DGLUCY: variants seen among roughly 807,000 people sequenced by gnomAD.
The protein encoded by DGLUCY is D-glutamate cyclase, mitochondrial.
DGLUCY carries 58 observed loss-of-function variants against 58.5 expected under a neutral mutation model. The observed-to-expected ratio is 0.99, with a 90% confidence interval of 0.80 to 1.23. The LOEUF is 1.23. Among genes scored for constraint, DGLUCY ranks in the 50% most tolerant of loss-of-function variants. DGLUCY has a pLI of 0.00. For missense variants in DGLUCY, 779 were observed against 784.7 expected (o/e 0.99, Z 0.09); for synonymous variants, 325 against 314.1 (o/e 1.03, Z -0.37).
At chr14:91,115,586 G>C (rs2044878691) in intron 1 of DGLUCY, among the ~76,000 whole-genome samples, 1 of 152,122 alleles carries the variant, frequency 6.6e-6, no homozygotes, top group Non-Finnish European at 1.5e-5. Flanking sequence ...ACCAGGTCTG[G>C]CTAATTTTTG....
At chr14:91,098,732 T>A (rs1446510689) in intron 1 of DGLUCY, among the ~76,000 whole-genome samples, 1 of 152,166 alleles carries the variant, frequency 6.6e-6, no homozygotes, top group East Asian at 1.9e-4. Flanking sequence ...GCAGACTCGA[T>A]ACTCTATGAG....
At chr14:91,112,529 C>A (rs1447025418), upstream of DGLUCY, among the ~76,000 whole-genome samples, 1 of 152,090 alleles carries the variant, frequency 6.6e-6, no homozygotes, top group Non-Finnish European at 1.5e-5. Flanking sequence ...GTGGGTGAGG[C>A]TGCATGACAT....
At chr14:91,169,975 C>T (rs1225218281) in intron 4 of DGLUCY, 28 bp from the exon 5 acceptor site, 4 of 1,604,874 alleles carry the variant, frequency 2.5e-6, no homozygotes, top group Non-Finnish European at 3.4e-6. Context: ...AGTCTGGGGC[C>T]CTCCCAGCTT....
chr14:91,080,736 C>T (rs74695540), intron 1 of DGLUCY, among the ~76,000 whole-genome samples: 3,178 of 139,818 alleles, frequency 0.023, 36 homozygotes, highest in South Asian at 0.036. Context: ...TATAAGAGAG[C>T]TTCAACTATC....
chr14:91,135,634 G>C (rs1219458618), intron 1 of DGLUCY, among the ~76,000 whole-genome samples: 1 of 131,670 alleles, frequency 7.6e-6, no homozygotes, highest in African/African-American at 2.9e-5. Context: ...TGGGCAACAA[G>C]AGTGAAACTC....
At chr14:91,094,201 CTGAGGTGGGTGAATCA>C (rs1255152884) in intron 1 of DGLUCY, among the ~76,000 whole-genome samples, 1 of 151,896 alleles carries the variant, frequency 6.6e-6, no homozygotes, top group Middle Eastern at 3.4e-3. Context: ...CTTTGGGAGG[CTGAGGTGGGTGAATCA>C]TGAGGTCAGG....
chr14:91,086,555 C>G (rs956197424), intron 1 of DGLUCY, among the ~76,000 whole-genome samples: 2 of 152,010 alleles, frequency 1.3e-5, no homozygotes, highest in Non-Finnish European at 2.9e-5. Flanking sequence ...AGAAAAAAAG[C>G]CTGTACATGT....
At chr14:91,207,915 TTTGTA>T (rs1885031469) in intron 12 of DGLUCY, among the ~76,000 whole-genome samples, 1 of 152,100 alleles carries the variant, frequency 6.6e-6, no homozygotes, top group African/African-American at 2.4e-5. Flanking sequence ...CCCTGCTAAT[TTTGTA>T]TTTTTTTAGT....
intron 2 of DGLUCY, among the ~76,000 whole-genome samples, chr14:91,158,222 G>A (rs1036581395): frequency 6.6e-5 from 10 of 152,182 alleles, no homozygotes; most frequent in African/African-American, 1.4e-4. Flanking sequence ...AGGCCCAGGC[G>A]TTAGGCAAGC....
intron 12 of DGLUCY, 156 bp downstream of exon 12, chr14:91,204,981 C>T: frequency 2.1e-6 from 2 of 971,974 alleles, no homozygotes; most frequent in Non-Finnish European, 1.5e-6. Context: ...ACCTTTCATT[C>T]AGTCATTCAA....
At chr14:91,068,899 G>C (rs1421715831) in intron 1 of DGLUCY, among the ~76,000 whole-genome samples, 1 of 152,200 alleles carries the variant, frequency 6.6e-6, no homozygotes, top group Non-Finnish European at 1.5e-5. Context: ...AATGTACAGT[G>C]CCTACATCCA....
intron 6 of DGLUCY, among the ~76,000 whole-genome samples, chr14:91,174,208 G>A (rs1335337567): frequency 1.3e-5 from 2 of 152,158 alleles, no homozygotes; most frequent in African/African-American, 4.8e-5. Context: ...TGGTGCCTAA[G>A]GAGGGCATGG....
chr14:91,094,096 A>G (rs904487871), intron 1 of DGLUCY, among the ~76,000 whole-genome samples: 2 of 152,152 alleles, frequency 1.3e-5, no homozygotes, highest in Admixed American at 6.6e-5. Context: ...AAACGAGTGC[A>G]TCTTATGTTA....
intron 1 of DGLUCY, among the ~76,000 whole-genome samples, chr14:91,146,372 G>A (rs2047013485): frequency 6.6e-6 from 1 of 152,202 alleles, no homozygotes; most frequent in African/African-American, 2.4e-5. Flanking sequence ...ATCTTTCCCT[G>A]AGCACAATTT....
At chr14:91,208,643 G>A (rs1885158010) in intron 12 of DGLUCY, among the ~76,000 whole-genome samples, 1 of 152,162 alleles carries the variant, frequency 6.6e-6, no homozygotes, top group Admixed American at 6.5e-5. Flanking sequence ...TAGCTACTTG[G>A]GAGGCTGAGG....
chr14:91,121,216 G>C (rs1240793630), intron 1 of DGLUCY, among the ~76,000 whole-genome samples: 1 of 152,142 alleles, frequency 6.6e-6, no homozygotes, highest in Non-Finnish European at 1.5e-5. Flanking sequence ...CTCATTAGCA[G>C]CTCCAGTGCT....
chr14:91,214,228 G>A (rs760504519), intron 12 of DGLUCY, among the ~76,000 whole-genome samples: 1 of 152,092 alleles, frequency 6.6e-6, no homozygotes, highest in Non-Finnish European at 1.5e-5. Flanking sequence ...CCCGTGGCTG[G>A]CCGTGTGCAC....
intron 6 of DGLUCY, among the ~76,000 whole-genome samples, chr14:91,175,211 C>T (rs2048790551): frequency 6.6e-6 from 1 of 151,970 alleles, no homozygotes; most frequent in Non-Finnish European, 1.5e-5. Flanking sequence ...ATCCATTGAT[C>T]CCCAGCGTAT....
intron 1 of DGLUCY, among the ~76,000 whole-genome samples, chr14:91,061,561 G>C (rs2043684633): frequency 6.6e-6 from 1 of 152,200 alleles, no homozygotes; most frequent in African/African-American, 2.4e-5. Context: ...TCCCAGACGA[G>C]GAACTGGGGA....
Sources: allele counts gnomAD v4.1 joint callset (sites outside exome capture counted in the v4.1 genomes callset), GRCh38; gene constraint gnomAD v4.1.1; transcripts MANE v1.5; gene names NCBI Gene and HGNC (gene_info 2026-07-23, HGNC 2026-07-21).